Variants in ANK3 observed in about 807,000 individuals in gnomAD.
ANK3 encodes ankyrin 3, also known as ankyrin-3.
A neutral mutation model predicts 370.9 loss-of-function variants in ANK3; 57 were observed. That is an observed-to-expected ratio of 0.15 (90% CI 0.12 to 0.19). The LOEUF (loss-of-function observed/expected upper bound fraction) is 0.19, where lower values mean the gene tolerates loss of function less well. Ranked by LOEUF, ANK3 falls within the 10% of genes least tolerant of loss-of-function variation. ANK3 has a pLI of 1.00. For missense variants in ANK3, 4,439 were observed against 5,302.1 expected, an observed-to-expected ratio of 0.84 and a Z score of 5.06; for synonymous variants, 1,929 against 1,946.3, an observed-to-expected ratio of 0.99 and a Z score of 0.23.
chr10:60,403,506 C>T (rs971812385), intron 2 of ANK3, among the ~76,000 whole-genome samples: 6 of 152,216 alleles, frequency 3.9e-5, no homozygotes, highest in Admixed American at 3.9e-4. Context: ...CGAATACAAG[C>T]TTCATTTACA....
chr10:60,088,305 T>G lies in ANK3; in HGVS notation c.3382A>C (p.Lys1128Gln). 1 of 1,614,234 alleles carries G rather than the reference T, an allele frequency of 6.2e-7. No individual in the cohort carries two copies. ...GKKRICRIITKDFPQYFAVVS... is the reference protein window; with the variant it reads ...GKKRICRIITQDFPQYFAVVS... ...ACTGCAAAATACTGGGGGAAATCTT[T>G]CGTGATAATCCTGCAGATACGCTTT... Residue 1128 changes from lysine to glutamine, a missense_variant, in exon 29 of 44, where the codon AAA becomes CAA. This residue lies in a region of ANK3 where 702 missense variants were observed against 941.5 expected (regional missense o/e 0.75). Transcript: ENST00000280772.
intron 2 of ANK3, among the ~76,000 whole-genome samples, chr10:60,502,150 C>T (rs1309060292): frequency 6.6e-6 from 1 of 152,162 alleles, no homozygotes; most frequent in Non-Finnish European, 1.5e-5. Flanking sequence ...ACAAAGCTGT[C>T]TGAAGCCTCA....
At chr10:60,289,240 G>A (rs72637059) in intron 1 of ANK3, among the ~76,000 whole-genome samples, 11,904 of 148,296 alleles carry the variant, frequency 0.08, 742 homozygotes, top group East Asian at 0.19. Flanking sequence ...TACCTCCCCC[G>A]ACCCTTTTTC....
chr10:60,166,292 A>G lies in ANK3; in HGVS notation c.2614+299T>C, dbSNP rs189542155. ...TTCCCTTTCTAGATTTCAGATGCAAACAATAAAAGCATCAGTATTCTGTTC... is the reference window on the plus strand; with the variant it reads ...TTCCCTTTCTAGATTTCAGATGCAAGCAATAAAAGCATCAGTATTCTGTTC... On this transcript the variant is annotated intron_variant, in intron 23 of 43. Transcript: ENST00000280772. Among the ~76,000 whole-genome samples, 34 of 152,286 alleles carry G rather than the reference A, an allele frequency of 2.2e-4. No individual in the cohort carries two copies. In the East Asian group the frequency reaches 6.4e-3, roughly 28 times the overall value.
rs563498048 is a variant in ANK3 at position 60,475,719 on chromosome 10, C to T, written c.96+139467G>A. On this transcript the variant is annotated intron_variant, in intron 2 of 43. Transcript: ENST00000373827. ...TATTACTAAGTGATAATTATTCCCA[C>T]TACCTACTGGTATATCTTCACTAAC... Among the ~76,000 whole-genome samples, 31 of 152,284 alleles carry T rather than the reference C, an allele frequency of 2.0e-4. No individual in the cohort carries two copies. The Middle Eastern group carries it at 0.01, about 50-fold the overall frequency.
intron 2 of ANK3, among the ~76,000 whole-genome samples, chr10:60,539,861 T>C (rs1016074363): frequency 6.6e-5 from 10 of 151,992 alleles, no homozygotes; most frequent in Non-Finnish European, 1.5e-4. Flanking sequence ...TGGCAATGAA[T>C]ATGATAGATA....
At chr10:60,725,511 A>T (rs542915161) in intron 1 of ANK3, among the ~76,000 whole-genome samples, 1 of 152,310 alleles carries the variant, frequency 6.6e-6, no homozygotes, top group South Asian at 2.1e-4. Context: ...CCACCAGCAC[A>T]CGCAAGGCTT....
rs763853513 is a variant in ANK3, at chr10:60,200,094, CTCAATT to C, written c.1491+29_1491+34del. On this transcript the variant is annotated intron_variant, in intron 13 of 43. Coordinates refer to ENST00000280772, the MANE Select transcript of ANK3 (RefSeq NM_020987.5). ...TTTTATGAAAATCCAACAGTTTTTC[CTCAATT>C]TCAAACACTTGTCAAGTATTGCGCA... 1.5e-5 allele frequency: 23 copies of C among 1,550,608 alleles called. 1 individual carries two copies. The South Asian group carries it at 2.6e-4, about 18-fold the overall frequency.
chr10:60,160,658 C>G (rs1377941678), intron 23 of ANK3, among the ~76,000 whole-genome samples: 2 of 152,036 alleles, frequency 1.3e-5, no homozygotes, highest in Non-Finnish European at 2.9e-5. Context: ...TCTTCGAATA[C>G]TAGCAAACCA....
chr10:60,685,109 A>G, intron 1 of ANK3: 1 of 1,038,674 alleles, frequency 9.6e-7, no homozygotes, highest in Non-Finnish European at 1.4e-6. Context: ...TGTGTGGAGG[A>G]GGTTTTCTCT....
At chr10:60,272,490 TTTTTG>T (rs1462268710) in intron 4 of ANK3, among the ~76,000 whole-genome samples, 5 of 151,988 alleles carry the variant, frequency 3.3e-5, no homozygotes, top group African/African-American at 1.2e-4. Context: ...GTTTGTTTTT[TTTTTG>T]TTGAGACAGA....
chr10:60,476,861 C>A (rs2075078935), intron 2 of ANK3, among the ~76,000 whole-genome samples: 1 of 152,084 alleles, frequency 6.6e-6, no homozygotes, highest in South Asian at 2.1e-4. Flanking sequence ...AAATGAAAAA[C>A]AACAATCATT....
chr10:60,252,516 A>G (rs1187586299), intron 7 of ANK3, among the ~76,000 whole-genome samples: 3 of 152,142 alleles, frequency 2.0e-5, no homozygotes, highest in African/African-American at 7.2e-5. Context: ...CACAATTTCA[A>G]AATAGGATTT....
intron 1 of ANK3, among the ~76,000 whole-genome samples, chr10:60,634,579 TG>T (rs2078527162): frequency 6.6e-6 from 1 of 151,956 alleles, no homozygotes; most frequent in Admixed American, 6.6e-5. Flanking sequence ...AGGATGTGTG[TG>T]GGGCCAAATA....
intron 16 of ANK3, among the ~76,000 whole-genome samples, chr10:60,189,509 T>C (rs763870625): frequency 6.6e-6 from 1 of 152,232 alleles, no homozygotes; most frequent in African/African-American, 2.4e-5. Context: ...AAGGGAAAAG[T>C]GACTCAGGTA....
At position 60,684,540 on chromosome 10, in the gene ANK3, G is replaced by A. The variant is rs2079242864; in HGVS notation, c.57+48723C>T. 3.2e-6 allele frequency: 5 copies of A among 1,576,882 alleles called. No individual in the cohort carries two copies. In the African/African-American group the frequency reaches 4.1e-5, roughly 13 times the overall value. On this transcript the variant is annotated intron_variant, in intron 1 of 43. Transcript: ENST00000373827. The stretch of plus-strand genomic sequence containing the variant: ...GACTATCAGACCAGACTTCTATCCT[G>A]TCCAGTCTGCCTTCATTTCAATCCT...
chr10:60,260,335 G>T (rs2097786011), intron 7 of ANK3, among the ~76,000 whole-genome samples: 1 of 152,102 alleles, frequency 6.6e-6, no homozygotes, highest in African/African-American at 2.4e-5. Flanking sequence ...GCATAGCCTG[G>T]CATCTTACAG....
At chr10:60,076,783 T>C (rs966194911) in intron 36 of ANK3, among the ~76,000 whole-genome samples, 3 of 152,146 alleles carry the variant, frequency 2.0e-5, no homozygotes, top group Non-Finnish European at 4.4e-5. Flanking sequence ...ATAACCATAA[T>C]GGAAAACTGT....
chr10:60,652,693 T>TAAAAAA (rs35856343), intron 1 of ANK3, among the ~76,000 whole-genome samples: 2 of 135,632 alleles, frequency 1.5e-5, no homozygotes, highest in Non-Finnish European at 3.1e-5. Flanking sequence ...AGGCAAAATG[T>TAAAAAA]AAAAAAAAAA....
Sources: gnomAD v4.1 joint callset for allele counts (sites outside exome capture counted in the v4.1 genomes callset) on GRCh38, gnomAD v4.1.1 for gene constraint, gnomAD v4.1.1 regional missense constraint, MANE v1.5 for transcripts, NCBI Gene and HGNC (gene_info 2026-07-23, HGNC 2026-07-21) for gene names.